The following CDC42SE2 variants were observed in gnomAD, a reference collection of about 807,000 sequenced individuals.
CDC42SE2 encodes the protein CDC42 small effector 2, also known as CDC42 small effector protein 2.
A neutral mutation model predicts 11.5 loss-of-function variants in CDC42SE2; 3 were observed. That is an observed-to-expected ratio of 0.26 (90% CI 0.12 to 0.67). The LOEUF (loss-of-function observed/expected upper bound fraction) is 0.67, where lower values mean the gene tolerates loss of function less well. Ranked by LOEUF, CDC42SE2 falls within the 30% of genes least tolerant of loss-of-function variation. The probability of loss-of-function intolerance (pLI) is 0.80; values close to 1 mark genes in which losing one functional copy is unlikely to be tolerated. For missense variants in CDC42SE2, 82 were observed against 106.8 expected (o/e 0.77, Z 1.02); for synonymous variants, 33 against 34.8 (o/e 0.95, Z 0.18).
intron 1 of CDC42SE2, among the ~76,000 whole-genome samples, chr5:131,309,697 T>G (rs1369519568): frequency 6.6e-6 from 1 of 151,914 alleles, no homozygotes; most frequent in Non-Finnish European, 1.5e-5. Flanking sequence ...GTCCAGGAAT[T>G]TATCCATTTC....
intron 1 of CDC42SE2, among the ~76,000 whole-genome samples, chr5:131,284,972 T>A (rs1489886455): frequency 6.6e-6 from 1 of 151,600 alleles, no homozygotes; most frequent in African/African-American, 2.4e-5. Flanking sequence ...CTGGACAACA[T>A]AATGAGACCC....
At chr5:131,263,281 A>G (rs146258407), upstream of CDC42SE2, among the ~76,000 whole-genome samples, 344 of 152,220 alleles carry the variant, frequency 2.3e-3, 1 homozygote, top group African/African-American at 8.1e-3. Flanking sequence ...TCAACCTAGA[A>G]TGGGGAAGAC....
At chr5:131,263,825 A>T (rs1756785428), upstream of CDC42SE2, 1 of 152,238 alleles carries the variant, frequency 6.6e-6, no homozygotes, top group South Asian at 2.1e-4. Flanking sequence ...CGTTAGCTAC[A>T]GAGGCCAATT....
Position 131,338,770 on chromosome 5 carries a change from C to T in CDC42SE2, c.-285-20439C>T, listed in dbSNP as rs112201126. 7.3e-3 allele frequency among the ~76,000 whole-genome samples: 1,116 copies of T among 152,262 alleles called. 12 individuals carry two copies. The highest frequency in any genetic ancestry group is 0.026 in the African/African-American group (1,068 of 41,544). On this transcript the variant is annotated intron_variant, in intron 2 of 4. Coordinates refer to ENST00000505065, the MANE Select transcript of CDC42SE2 (RefSeq NM_001375635.1). The stretch of plus-strand genomic sequence containing the variant: ...CTGTGTAGTTTCAGAGTCTTACGTT[C>T]TAAACCAGTACACCATACTGCCGAT...
chr5:131,305,665 A>G (rs1402986903), intron 1 of CDC42SE2, among the ~76,000 whole-genome samples: 5 of 152,216 alleles, frequency 3.3e-5, no homozygotes, highest in African/African-American at 4.8e-5. Flanking sequence ...CCTTTATCAG[A>G]TAAATGGTTT....
rs564728578 is a variant in CDC42SE2 at position 131,276,516 on chromosome 5, A to G, written c.-455+12350A>G. 4.6e-5 allele frequency among the ~76,000 whole-genome samples: 7 copies of G among 152,152 alleles called. No individual in the cohort carries two copies. In the South Asian group the frequency reaches 1.2e-3, roughly 27 times the overall value. On this transcript the variant is annotated intron_variant, in intron 1 of 4. Coordinates refer to ENST00000505065, the MANE Select transcript of CDC42SE2 (RefSeq NM_001375635.1). ...GCTTAGAAGTTGGTGAATTAAAGAGATAATGTTTGTGTGCAAGTATAAATT... is the reference window on the plus strand; with the variant it reads ...GCTTAGAAGTTGGTGAATTAAAGAGGTAATGTTTGTGTGCAAGTATAAATT...
upstream of CDC42SE2, among the ~76,000 whole-genome samples, chr5:131,263,467 A>C (rs1339255255): frequency 1.3e-5 from 2 of 152,218 alleles, no homozygotes; most frequent in African/African-American, 4.8e-5. Context: ...GAAGTCTAGT[A>C]CATGTGTAAT....
At chr5:131,338,384 C>T (rs893477508) in intron 2 of CDC42SE2, among the ~76,000 whole-genome samples, 4 of 152,148 alleles carry the variant, frequency 2.6e-5, no homozygotes, top group African/African-American at 9.7e-5. Flanking sequence ...GTTTATATAG[C>T]CTCACTAGAA....
At chr5:131,363,416 G>T (rs527262960) in intron 3 of CDC42SE2, among the ~76,000 whole-genome samples, 28 of 152,088 alleles carry the variant, frequency 1.8e-4, no homozygotes, top group African/African-American at 6.5e-4. Context: ...TGCTCTTGTC[G>T]CCTAGGCTGG....
chr5:131,385,852 G>C (rs934842714), intron 4 of CDC42SE2, among the ~76,000 whole-genome samples: 1 of 152,162 alleles, frequency 6.6e-6, no homozygotes, highest in African/African-American at 2.4e-5. Flanking sequence ...ATTTGTTTCT[G>C]TTTCTTGTAC....
intron 1 of CDC42SE2, among the ~76,000 whole-genome samples, chr5:131,302,744 G>C (rs1365143602): frequency 6.6e-6 from 1 of 152,016 alleles, no homozygotes; most frequent in Non-Finnish European, 1.5e-5. Flanking sequence ...ACCTTTATAA[G>C]AAAGTTGCGA....
In CDC42SE2 at chr5:131,377,261, C is replaced by T. The variant is rs533730626; in HGVS notation, c.55-8282C>T. Among the ~76,000 whole-genome samples, 21 of 151,834 alleles carry T rather than the reference C, an allele frequency of 1.4e-4. No homozygotes were observed. The South Asian group carries it at 4.0e-3, about 29-fold the overall frequency. ...TTGACTCACTGCAACGTCTGCCTCCCGGGTTCAAACGATTATTGTGTCTCA... is the reference window on the plus strand; with the variant it reads ...TTGACTCACTGCAACGTCTGCCTCCTGGGTTCAAACGATTATTGTGTCTCA... On this transcript the variant is annotated intron_variant, in intron 3 of 4. Coordinates refer to ENST00000505065, the MANE Select transcript of CDC42SE2 (RefSeq NM_001375635.1).
intron 1 of CDC42SE2, among the ~76,000 whole-genome samples, chr5:131,286,056 T>C (rs2149705723): frequency 6.6e-6 from 1 of 151,716 alleles, no homozygotes; most frequent in Non-Finnish European, 1.5e-5. Context: ...AGCTTTTTTT[T>C]TTTTTTTTTG....
upstream of CDC42SE2, chr5:131,261,374 C>T (rs1756724188): frequency 6.6e-6 from 1 of 152,112 alleles, no homozygotes; most frequent in African/African-American, 2.4e-5. Flanking sequence ...TACAGATTAA[C>T]ATTGATGAAA....
chr5:131,293,785 T>TTC (rs1757512915), intron 1 of CDC42SE2, among the ~76,000 whole-genome samples: 1 of 152,196 alleles, frequency 6.6e-6, no homozygotes, highest in African/African-American at 2.4e-5. Context: ...AAGTATTACC[T>TTC]TCTCCCCTTC....
intron 3 of CDC42SE2, among the ~76,000 whole-genome samples, chr5:131,378,272 A>G (rs1750213213): frequency 1.3e-5 from 2 of 152,220 alleles, no homozygotes; most frequent in Non-Finnish European, 2.9e-5. Flanking sequence ...ATGAATATCC[A>G]CTAGGAAGAT....
In CDC42SE2 at chr5:131,392,047, GA is replaced by G. The variant is rs2149792769; in HGVS notation, c.*957del. 6.6e-6 allele frequency: 1 copy of G among 152,558 alleles called. No homozygotes were observed. Among genetic ancestry groups the G allele is most frequent in the South Asian group, 2.1e-4 (1 of 4,822 alleles). The allele number at this position is 152,558 out of a possible 1,614,324, so 9.5% of individuals were successfully genotyped here. A position where few individuals can be genotyped will look rare whatever the true frequency, so the allele number is the denominator to read the frequency against. On this transcript the variant is annotated 3_prime_UTR_variant, in exon 5 of 5. Coordinates refer to ENST00000505065, the MANE Select transcript of CDC42SE2 (RefSeq NM_001375635.1). Reference sequence around the variant, plus strand: ...TGGCATGCATGCCTTTGGACTCATGGACAGAGTTCTTTGGATTGTCACTGAA... The same window carrying G: ...TGGCATGCATGCCTTTGGACTCATGGCAGAGTTCTTTGGATTGTCACTGAA...
intron 3 of CDC42SE2, among the ~76,000 whole-genome samples, chr5:131,361,195 A>G (rs1749698581): frequency 6.6e-6 from 1 of 151,820 alleles, no homozygotes; most frequent in Non-Finnish European, 1.5e-5. Flanking sequence ...TAAAGGGTAT[A>G]TAATAAAGTG....
chr5:131,298,350 G>A (rs978679236), intron 1 of CDC42SE2, among the ~76,000 whole-genome samples: 1 of 151,744 alleles, frequency 6.6e-6, no homozygotes, highest in Non-Finnish European at 1.5e-5. Flanking sequence ...CAGGTGATCC[G>A]ATCTCAGGTG....
Sources: gnomAD v4.1 joint callset for allele counts (sites outside exome capture counted in the v4.1 genomes callset) on GRCh38, gnomAD v4.1.1 for gene constraint, MANE v1.5 for transcripts, NCBI Gene and HGNC (gene_info 2026-07-23, HGNC 2026-07-21) for gene names.